Variants in MBD5 observed in about 807,000 individuals in gnomAD.
MBD5 encodes the protein methyl-CpG-binding domain protein 5.
A neutral mutation model predicts 117.3 loss-of-function variants in MBD5; 13 were observed. The ratio of observed to expected loss-of-function variants is 0.11; its 90% CI spans 0.07 to 0.18. The LOEUF (loss-of-function observed/expected upper bound fraction) is 0.18. Ranked by LOEUF, MBD5 falls within the 10% of genes least tolerant of loss-of-function variation. The pLI is 1.00. For missense variants in MBD5, 1,879 were observed against 2,093.8 expected, an observed-to-expected ratio of 0.90 and a Z score of 2.00; for synonymous variants, 727 against 766.4, an observed-to-expected ratio of 0.95 and a Z score of 0.85.
At chr2:148,109,601 G>A (rs1178540315) in intron 1 of MBD5, among the ~76,000 whole-genome samples, 3 of 152,038 alleles carry the variant, frequency 2.0e-5, no homozygotes, top group African/African-American at 7.2e-5. Flanking sequence ...TAAAAGCCAC[G>A]ATTATATATA....
chr2:148,291,073 G>C (rs181313534), intron 3 of MBD5, among the ~76,000 whole-genome samples: 3 of 152,024 alleles, frequency 2.0e-5, no homozygotes, highest in African/African-American at 7.2e-5. Context: ...CTATCTTTTT[G>C]TAGGTACCAC....
chr2:148,063,306 G>GA (rs1342333604), intron 1 of MBD5, among the ~76,000 whole-genome samples: 1 of 151,974 alleles, frequency 6.6e-6, no homozygotes, highest in African/African-American at 2.4e-5. Flanking sequence ...ATTTGCTTTT[G>GA]AAAAACATCC....
intron 4 of MBD5, among the ~76,000 whole-genome samples, chr2:148,453,768 G>C (rs1054153258): frequency 6.6e-6 from 1 of 151,902 alleles, no homozygotes; most frequent in South Asian, 2.1e-4. Context: ...CATCTTGGAT[G>C]AGTCTATATA....
At chr2:148,128,893 A>G (rs1696965461) in intron 1 of MBD5, among the ~76,000 whole-genome samples, 1 of 152,228 alleles carries the variant, frequency 6.6e-6, no homozygotes, top group South Asian at 2.1e-4. Flanking sequence ...GTATAAAATG[A>G]CAATTCTTGT....
At chr2:148,310,982 C>G (rs1055699384) in intron 3 of MBD5, among the ~76,000 whole-genome samples, 2 of 152,130 alleles carry the variant, frequency 1.3e-5, no homozygotes, top group African/African-American at 4.8e-5. Flanking sequence ...ATCCTGAGTT[C>G]TAATTTGATT....
intron 3 of MBD5, among the ~76,000 whole-genome samples, chr2:148,306,265 A>G (rs1015910601): frequency 2.6e-5 from 4 of 152,150 alleles, no homozygotes; most frequent in Non-Finnish European, 5.9e-5. Flanking sequence ...GAACCCTGTA[A>G]GCCAGGTACC....
At chr2:148,188,749 AG>A (rs1480820499) in intron 2 of MBD5, among the ~76,000 whole-genome samples, 3 of 151,622 alleles carry the variant, frequency 2.0e-5, no homozygotes, top group Non-Finnish European at 4.4e-5. Context: ...AAGAACAGGG[AG>A]GAGCCAAGAT....
chr2:148,317,773 T>C (rs945797915), intron 3 of MBD5, among the ~76,000 whole-genome samples: 3 of 152,218 alleles, frequency 2.0e-5, no homozygotes, highest in Non-Finnish European at 2.9e-5. Context: ...CCCATGTTGC[T>C]GCAAAAGACA....
At chr2:148,494,027 G>C (rs1681612345) in intron 11 of MBD5, among the ~76,000 whole-genome samples, 1 of 152,140 alleles carries the variant, frequency 6.6e-6, no homozygotes, top group African/African-American at 2.4e-5. Context: ...GATGCCTTAA[G>C]AATTCAGTGA....
chr2:148,349,966 C>T (rs1703214032), intron 4 of MBD5, among the ~76,000 whole-genome samples: 1 of 151,812 alleles, frequency 6.6e-6, no homozygotes, highest in African/African-American at 2.4e-5. Context: ...AAAAGCCTAC[C>T]AAGGCTTTTG....
intron 3 of MBD5, among the ~76,000 whole-genome samples, chr2:148,312,912 GCTGCAGGT>G (rs1281587148): frequency 6.6e-6 from 1 of 152,170 alleles, no homozygotes; most frequent in Non-Finnish European, 1.5e-5. Flanking sequence ...AGGCTCCTCT[GCTGCAGGT>G]CTGCTGGAGT....
chr2:148,374,969 A>G (rs927017404), intron 4 of MBD5, among the ~76,000 whole-genome samples: 1 of 152,284 alleles, frequency 6.6e-6, no homozygotes, highest in African/African-American at 2.4e-5. Context: ...TATTATTTTG[A>G]ATTCATTTAA....
At chr2:148,337,038 A>G (rs1235550528) in intron 3 of MBD5, among the ~76,000 whole-genome samples, 3 of 152,104 alleles carry the variant, frequency 2.0e-5, no homozygotes, top group African/African-American at 7.2e-5. Flanking sequence ...AACTTTTCAC[A>G]TGCTCTGCCA....
chr2:148,187,433 C>T (rs1292582967), intron 2 of MBD5, among the ~76,000 whole-genome samples: 1 of 151,868 alleles, frequency 6.6e-6, no homozygotes, highest in East Asian at 1.9e-4. Context: ...CAAAATTGTT[C>T]CACATTGGAT....
intron 1 of MBD5, among the ~76,000 whole-genome samples, chr2:148,154,361 TG>T (rs1697797008): frequency 6.6e-6 from 1 of 151,804 alleles, no homozygotes; most frequent in Admixed American, 6.6e-5. Context: ...CATTTAAGTC[TG>T]CAGAGGTTAC....
chr2:148,130,244 A>G (rs909909483), intron 1 of MBD5, among the ~76,000 whole-genome samples: 1 of 152,132 alleles, frequency 6.6e-6, no homozygotes, highest in Non-Finnish European at 1.5e-5. Flanking sequence ...TTTATCTTCC[A>G]TTTTCTCCTG....
chr2:148,325,835 T>C (rs1016079410), intron 3 of MBD5, among the ~76,000 whole-genome samples: 4 of 152,206 alleles, frequency 2.6e-5, no homozygotes, highest in Non-Finnish European at 5.9e-5. Context: ...CCCTATTTCC[T>C]TCAGTTCTGC....
At chr2:148,101,536 C>T (rs1248932219) in intron 1 of MBD5, among the ~76,000 whole-genome samples, 1 of 152,118 alleles carries the variant, frequency 6.6e-6, no homozygotes, top group Non-Finnish European at 1.5e-5. Context: ...AAAACTACTG[C>T]TTATGTGTTG....
chr2:148,507,481 C>T (rs1008306482), intron 12 of MBD5, among the ~76,000 whole-genome samples: 9 of 152,188 alleles, frequency 5.9e-5, no homozygotes, highest in African/African-American at 1.9e-4. Flanking sequence ...ATACTTGGGC[C>T]GGGCGCGGTG....
Sources: gnomAD v4.1 joint callset for allele counts (sites outside exome capture counted in the v4.1 genomes callset) on GRCh38, gnomAD v4.1.1 for gene constraint, MANE v1.5 for transcripts, NCBI Gene and HGNC (gene_info 2026-07-23, HGNC 2026-07-21) for gene names.